Variants in PHF8 observed in about 807,000 individuals in gnomAD.
The protein encoded by PHF8 is PHD finger protein 8.
PHF8 carries 9 observed loss-of-function variants against 74.4 expected under a neutral mutation model. The ratio of observed to expected loss-of-function variants is 0.12; its 90% CI spans 0.07 to 0.21. The LOEUF is 0.21. Ranked by LOEUF, PHF8 falls within the 10% of genes least tolerant of loss-of-function variation. The pLI, the probability that PHF8 is intolerant of heterozygous loss-of-function variation, is 1.00. For missense variants in PHF8, 478 were observed against 816.6 expected (o/e 0.59, Z 5.05); for synonymous variants, 311 against 316.6 (o/e 0.98, Z 0.19).
intron 11 of PHF8, among the ~76,000 whole-genome samples, chrX:53,999,196 G>A (rs184785712): frequency 4.5e-5 from 5 of 111,405 alleles, no homozygotes; most frequent in African/African-American, 9.8e-5. Context: ...TGGGCCACCC[G>A]GGACAGCAAG....
chrX:53,973,986 G>A (rs1399932604), intron 18 of PHF8, among the ~76,000 whole-genome samples: 3 of 111,237 alleles, frequency 2.7e-5, no homozygotes, highest in East Asian at 5.6e-4. Flanking sequence ...TCAGCCGGGC[G>A]CGGTGGCTCA....
At chrX:53,942,226 T>C (rs781797775) in intron 20 of PHF8, among the ~76,000 whole-genome samples, 1 of 111,856 alleles carries the variant, frequency 8.9e-6, no homozygotes, top group South Asian at 3.7e-4. Flanking sequence ...CTGTTTACAC[T>C]TAGCCAACCC....
chrX:54,035,911 A>G (rs1557114003), intron 2 of PHF8, among the ~76,000 whole-genome samples: 1 of 110,706 alleles, frequency 9.0e-6, no homozygotes, highest in African/African-American at 3.3e-5. Context: ...CAGAAGTTCA[A>G]GACCAGCCTG....
At chrX:53,943,691 G>C (rs933671299) in intron 20 of PHF8, among the ~76,000 whole-genome samples, 16 of 111,693 alleles carry the variant, frequency 1.4e-4, no homozygotes, top group African/African-American at 4.9e-4. Context: ...ATTTGTGGGT[G>C]AAGATTAAGA....
At chrX:53,939,275 G>A (rs2064712977) in intron 21 of PHF8, 29 bp from the exon 22 acceptor site, 3 of 1,148,305 alleles carry the variant, frequency 2.6e-6, no homozygotes, top group Admixed American at 4.4e-5. Context: ...GTAAGCAAGG[G>A]CTTTGGCAAG....
chrX:53,988,960 C>CTT (rs1196324158), intron 14 of PHF8, among the ~76,000 whole-genome samples: 1 of 99,408 alleles, frequency 1.0e-5, no homozygotes. Flanking sequence ...TTTATATTTG[C>CTT]TTTTTTTTTT....
chrX:54,043,369 A>G (rs1040984330), intron 1 of PHF8, among the ~76,000 whole-genome samples: 6 of 110,990 alleles, frequency 5.4e-5, no homozygotes, highest in Non-Finnish European at 9.4e-5. Context: ...CTCAAATCAC[A>G]GTTCTGGGGT....
intron 10 of PHF8, among the ~76,000 whole-genome samples, 199 bp downstream of exon 10, chrX:54,001,956 A>C (rs2065834121): frequency 9.0e-6 from 1 of 111,132 alleles, no homozygotes; most frequent in African/African-American, 3.3e-5. Flanking sequence ...AGCACTAGGG[A>C]GATTTTTTTT....
intron 12 of PHF8, chrX:53,995,270 A>ACCACCACCCACCACCACGAC (rs2065728441): frequency 3.0e-6 from 1 of 334,297 alleles, no homozygotes; most frequent in Non-Finnish European, 6.0e-6. Context: ...TACAACTACC[A>ACCACCACCCACCACCACGAC]CCACCACCCA....
chrX:54,015,837 C>T (rs1359882228), intron 6 of PHF8, among the ~76,000 whole-genome samples: 1 of 111,031 alleles, frequency 9.0e-6, no homozygotes. Flanking sequence ...ATATACGTAT[C>T]TACTGTGTGT....
At chrX:53,959,857 C>G (rs1358951944) in intron 19 of PHF8, among the ~76,000 whole-genome samples, 1 of 68,755 alleles carries the variant, frequency 1.5e-5, no homozygotes, top group Admixed American at 2.1e-4. Context: ...GAGCGAGTTT[C>G]TGCCTCAAAA....
chrX:54,002,285 CA>C, intron 9 of PHF8, 24 bp from the exon 10 acceptor site: 1 of 976,474 alleles, frequency 1.0e-6, no homozygotes, highest in Non-Finnish European at 1.5e-6. Context: ...ACACCAACAA[CA>C]AAAACAAGGA....
At chrX:53,955,516 C>T (rs1165231105) in intron 19 of PHF8, among the ~76,000 whole-genome samples, 1 of 106,565 alleles carries the variant, frequency 9.4e-6, no homozygotes, top group Non-Finnish European at 1.9e-5. Flanking sequence ...GAACAGGATT[C>T]TCACCCTACT....
chrX:53,987,033 T>C, intron 16 of PHF8, 45 bp downstream of exon 16: 1 of 799,039 alleles, frequency 1.3e-6, no homozygotes, highest in East Asian at 3.1e-5. Flanking sequence ...CTTCTGTCTC[T>C]ATCACCAGAA....
chrX:54,030,582 G>A (rs1026008465), intron 2 of PHF8, among the ~76,000 whole-genome samples: 1 of 112,120 alleles, frequency 8.9e-6, no homozygotes, highest in African/African-American at 3.2e-5. Flanking sequence ...AAACAGTTTC[G>A]TAAGTGCTAT....
intron 18 of PHF8, among the ~76,000 whole-genome samples, chrX:53,967,400 C>A (rs2065222893): frequency 9.5e-6 from 1 of 105,772 alleles, no homozygotes; most frequent in East Asian, 3.1e-4. Context: ...GCCGCCCCGT[C>A]CGGGAGGTGA....
Sources: allele counts gnomAD v4.1 joint callset (sites outside exome capture counted in the v4.1 genomes callset), GRCh38; gene constraint gnomAD v4.1.1; transcripts MANE v1.5; gene names NCBI Gene and HGNC (gene_info 2026-07-23, HGNC 2026-07-21).